Variants in ASAP2 observed in about 807,000 individuals in gnomAD.
ASAP2 encodes the protein arf-GAP with SH3 domain, ANK repeat and PH domain-containing protein 2.
A neutral mutation model predicts 131.4 loss-of-function variants in ASAP2; 45 were observed. The observed-to-expected ratio is 0.34, with a 90% CI of 0.27 to 0.44. The LOEUF is 0.44. ASAP2 is among the 20% of genes least tolerant of loss of function. ASAP2 has a pLI of 1.00. For synonymous variants in ASAP2, 510 were observed against 503.0 expected, an observed-to-expected ratio of 1.01 and a Z score of -0.19; for missense variants, 1,011 against 1,297.0, an observed-to-expected ratio of 0.78 and a Z score of 3.39.
At chr2:9,367,905 G>A (rs1673609593) in intron 15 of ASAP2, among the ~76,000 whole-genome samples, 1 of 152,202 alleles carries the variant, frequency 6.6e-6, no homozygotes, top group African/African-American at 2.4e-5. Context: ...CAGAAGTATA[G>A]GTATCATCCC....
intron 12 of ASAP2, among the ~76,000 whole-genome samples, chr2:9,352,824 A>G (rs1478666481): frequency 6.6e-6 from 1 of 152,202 alleles, no homozygotes; most frequent in African/African-American, 2.4e-5. Context: ...TGATGCCCAG[A>G]CAGGTTTGCT....
rs578238391 is a variant in ASAP2 at position 9,212,702 on chromosome 2, A to G, written c.126+5472A>G. Among the ~76,000 whole-genome samples the G allele has an allele frequency of 2.5e-3, 378 of 152,216 alleles. 2 individuals carry two copies. Among genetic ancestry groups the G allele is most frequent in the Middle Eastern group, 0.02 (6 of 294 alleles). On this transcript the variant is annotated intron_variant, in intron 1 of 27. Transcript: ENST00000281419. Reference sequence around the variant, plus strand: ...TGTCTGATGAGGCAGCCTAAGACAAATCCAGCTCTCAGCCGCCACATTGCA... The same window carrying G: ...TGTCTGATGAGGCAGCCTAAGACAAGTCCAGCTCTCAGCCGCCACATTGCA...
At chr2:9,401,251 C>T (rs576144458) in intron 26 of ASAP2, 23 bp from the exon 27 acceptor site, 11 of 1,612,784 alleles carry the variant, frequency 6.8e-6, no homozygotes, top group Middle Eastern at 3.3e-4. Context: ...CCACACTAAC[C>T]GTTGTTCCCT....
intron 15 of ASAP2, among the ~76,000 whole-genome samples, chr2:9,367,165 G>A (rs1348101333): frequency 6.6e-6 from 1 of 151,696 alleles, no homozygotes; most frequent in Non-Finnish European, 1.5e-5. Context: ...TGAGTAGCTG[G>A]GACTACAGGT....
chr2:9,238,894 G>A (rs760684874), intron 1 of ASAP2, among the ~76,000 whole-genome samples: 58 of 152,290 alleles, frequency 3.8e-4, no homozygotes, highest in Non-Finnish European at 2.8e-4. Context: ...TTTGTCTTCT[G>A]TGAACGCTGT....
intron 11 of ASAP2, among the ~76,000 whole-genome samples, chr2:9,346,331 T>C (rs866151391): frequency 6.6e-6 from 1 of 151,766 alleles, no homozygotes; most frequent in Admixed American, 6.6e-5. Context: ...GAGGAGAGAA[T>C]TGCTTGAGGC....
Position 9,393,547 on chromosome 2 carries a change from C to A in ASAP2, c.2584C>A (p.Gln862Lys). ...GCCCAGCGTAATGGAAGCCTTGAGC[C>A]AGCCGAGCAAGCCTGCCCCGCCTGG... is the stretch of plus-strand genomic sequence containing the variant. ...KTPSVMEALS[Q>K]PSKPAPPGIS... is the part of the protein sequence containing the mutation. Residue 862 changes from glutamine to lysine, a missense_variant, in exon 24 of 28, where the codon CAG (glutamine) becomes AAG (lysine). Physicochemically the swap from Gln to Lys is moderately conservative, Grantham distance 53 (BLOSUM62 1). Transcript: ENST00000281419. 6.3e-7 allele frequency: 1 copy of A among 1,594,368 alleles called. No individual in the cohort carries two copies. Among genetic ancestry groups the A allele is most frequent in the Admixed American group, 1.7e-5 (1 of 57,938 alleles).
At chr2:9,235,840 A>G (rs769439228) in intron 1 of ASAP2, among the ~76,000 whole-genome samples, 9 of 152,162 alleles carry the variant, frequency 5.9e-5, no homozygotes, top group African/African-American at 9.7e-5. Flanking sequence ...GCAGCCGGCA[A>G]TGCCTTCCCA....
chr2:9,369,177 C>A (rs1178198351), intron 16 of ASAP2, among the ~76,000 whole-genome samples: 1 of 152,114 alleles, frequency 6.6e-6, no homozygotes, highest in Non-Finnish European at 1.5e-5. Flanking sequence ...TGCCACCACG[C>A]CTGGCTAATT....
chr2:9,386,435 G>A (rs979009219), intron 21 of ASAP2, among the ~76,000 whole-genome samples: 6 of 151,924 alleles, frequency 3.9e-5, no homozygotes, highest in Non-Finnish European at 8.8e-5. Context: ...TCTTCATCAA[G>A]CGGTCAGATG....
rs1160095275 is a variant in ASAP2, at chr2:9,335,171, C to T, written c.841C>T (p.Gln281Ter). The T allele has an allele frequency of 6.2e-7, 1 of 1,613,984 alleles. No individual in the cohort carries two copies. ...TTTGAAATCCGCATTGCAGGTTGAA[C>T]AGAAAGAGGTGAGGGGATTTAATTT... Reference protein sequence around the residue: ...DILKSALQVEQKEDSQIRQST... With the variant: ...DILKSALQVE Residue 281 changes from glutamine (Q) to a stop codon, truncating the protein, a stop_gained, in exon 9 of 28, where the codon CAG (glutamine) becomes TAG (stop). Transcript: ENST00000281419. LOFTEE classifies it high-confidence loss of function.
intron 1 of ASAP2, among the ~76,000 whole-genome samples, 200 bp from the exon 2 acceptor site, chr2:9,279,117 G>A (rs980023947): frequency 6.6e-6 from 1 of 152,160 alleles, no homozygotes; most frequent in Non-Finnish European, 1.5e-5. Flanking sequence ...AGTGCCATTT[G>A]GAAACCAGTC....
At chr2:9,334,160 C>G (rs1223497180) in intron 7 of ASAP2, among the ~76,000 whole-genome samples, 1 of 149,412 alleles carries the variant, frequency 6.7e-6, no homozygotes, top group Non-Finnish European at 1.5e-5. Context: ...AATTCTTGTG[C>G]CTCAGCCTCC....
At chr2:9,222,631 G>A (rs950722000) in intron 1 of ASAP2, among the ~76,000 whole-genome samples, 4 of 152,182 alleles carry the variant, frequency 2.6e-5, no homozygotes, top group African/African-American at 9.7e-5. Flanking sequence ...AATGAGGTGT[G>A]TTTACTACTG....
At chr2:9,378,748 C>A (rs2148730626) in intron 18 of ASAP2, among the ~76,000 whole-genome samples, 196 bp from the exon 19 acceptor site, 1 of 152,326 alleles carries the variant, frequency 6.6e-6, no homozygotes, top group East Asian at 1.9e-4. Flanking sequence ...CCCTGATGAC[C>A]TTCTGCTAAG....
At chr2:9,384,965 T>C (rs1675152547) in intron 20 of ASAP2, among the ~76,000 whole-genome samples, 1 of 152,226 alleles carries the variant, frequency 6.6e-6, no homozygotes, top group South Asian at 2.1e-4. Flanking sequence ...CACTCCATGT[T>C]ATAACCGAAG....
At chr2:9,395,211 G>A (rs1166658761) in intron 24 of ASAP2, among the ~76,000 whole-genome samples, 5 of 152,180 alleles carry the variant, frequency 3.3e-5, no homozygotes, top group Non-Finnish European at 7.3e-5. Flanking sequence ...CATGGCTCAC[G>A]CCTGTAATCC....
intron 1 of ASAP2, among the ~76,000 whole-genome samples, chr2:9,272,571 C>T (rs1323289458): frequency 6.6e-6 from 1 of 152,114 alleles, no homozygotes; most frequent in Non-Finnish European, 1.5e-5. Context: ...GATATGATCC[C>T]ATTTATCTGT....
chr2:9,304,074 G>C (rs1461708770), intron 3 of ASAP2, among the ~76,000 whole-genome samples: 1 of 152,160 alleles, frequency 6.6e-6, no homozygotes, highest in Non-Finnish European at 1.5e-5. Context: ...GAGCCCTGAG[G>C]GTACAGCATT....
Sources: gnomAD v4.1 joint callset for allele counts (sites outside exome capture counted in the v4.1 genomes callset) on GRCh38, gnomAD v4.1.1 for gene constraint, MANE v1.5 for transcripts, NCBI Gene and HGNC (gene_info 2026-07-23, HGNC 2026-07-21) for gene names.